Variants in PACS2 observed in about 807,000 individuals in gnomAD.
The protein encoded by PACS2 is PACS1-like protein.
In PACS2, 36 loss-of-function variants were observed where a neutral mutation model predicts 113.0. The ratio of observed to expected loss-of-function variants is 0.32; its 90% CI spans 0.24 to 0.42. PACS2 has a LOEUF of 0.42. Ranked by LOEUF, PACS2 falls within the 10% of genes least tolerant of loss-of-function variation. PACS2 has a pLI of 1.00. For synonymous variants in PACS2, 589 were observed against 536.1 expected, an observed-to-expected ratio of 1.10 and a Z score of -1.36; for missense variants, 1,015 against 1,239.5, an observed-to-expected ratio of 0.82 and a Z score of 2.72.
intron 3 of PACS2, 87 bp downstream of exon 3, chr14:105,352,554 G>C: frequency 2.8e-6 from 2 of 724,300 alleles, no homozygotes; most frequent in East Asian, 2.6e-5. Context: ...TGGGGAGACG[G>C]GCCCCCCTCA....
At position 105,382,877 on chromosome 14, in the gene PACS2, C is replaced by T. The variant is rs375996521; in HGVS notation, c.1589C>T (p.Ala530Val). Residue 530 changes from alanine to valine, a missense_variant, in exon 15 of 25, where the codon GCG becomes GTG. By Grantham distance (64) the Ala-to-Val change is moderately conservative (BLOSUM62 0). Around this residue, in one of 3 missense-constraint regions of PACS2, gnomAD observed 859 missense variants for 1,056.8 expected, o/e 0.81. Transcript: ENST00000447393. ...ACGTGCTCTCCTGCGGACGTCCAGG[C>T]GGCCTTCAGCACCATCGTCTCACGG... ...VCTCSPADVQ[A>V]AFSTIVSRIQ... 4.4e-6 allele frequency: 7 copies of T among 1,606,154 alleles called. No individual in the cohort carries two copies. Among genetic ancestry groups the T allele is most frequent in the African/African-American group, 1.3e-5 (1 of 74,886 alleles).
chr14:105,319,137 A>G (rs1192291962), intron 1 of PACS2, among the ~76,000 whole-genome samples: 2 of 136,582 alleles, frequency 1.5e-5, no homozygotes, highest in Middle Eastern at 5.1e-3. Flanking sequence ...TAGTAGAGAC[A>G]GGGTTTCACC....
In PACS2 at chr14:105,327,295, G is replaced by A. The variant is rs587632911; in HGVS notation, c.119+12258G>A. Among the ~76,000 whole-genome samples the A allele has an allele frequency of 8.4e-3, 1,284 of 152,320 alleles. 18 individuals are homozygous for A. Among genetic ancestry groups the A allele is most frequent in the African/African-American group, 0.029 (1,213 of 41,552 alleles). On this transcript the variant is annotated intron_variant, in intron 1 of 24. Transcript: ENST00000447393. The stretch of plus-strand genomic sequence containing the variant: ...AGGTCGAGAGGCTGCAGTGGTGGTA[G>A]CCTGAGGGGATGTGCGCGGCCAGGT...
rs1352660213 is a variant in PACS2 at position 105,354,649 on chromosome 14, T to C, written c.298-403T>C. Among the ~76,000 whole-genome samples, 1 of 152,222 alleles carries C rather than the reference T, an allele frequency of 6.6e-6. No individual in the cohort carries two copies. The highest frequency in any genetic ancestry group is 2.4e-5 in the African/African-American group (1 of 41,466). Reference sequence around the variant, plus strand: ...CTCGGAGGGAGAGCCCTCCCCGCCCTGTGTGCCCCTCGCGGAAAAGCGTCC... The same window carrying C: ...CTCGGAGGGAGAGCCCTCCCCGCCCCGTGTGCCCCTCGCGGAAAAGCGTCC... On this transcript the variant is annotated intron_variant, in intron 3 of 24. Transcript: ENST00000447393. This position sits in a 1 kb window ranked among gnomAD's most constrained non-coding sequence, Gnocchi z 4.2.
At chr14:105,301,566 C>T (rs1034171272) in intron 1 of PACS2, among the ~76,000 whole-genome samples, 1 of 152,196 alleles carries the variant, frequency 6.6e-6, no homozygotes, top group Admixed American at 6.5e-5. Context: ...AGACACCCGC[C>T]AGGGGCCACC....
intron 4 of PACS2, among the ~76,000 whole-genome samples, chr14:105,360,821 C>T (rs587679618): frequency 6.6e-6 from 1 of 152,234 alleles, no homozygotes; most frequent in Non-Finnish European, 1.5e-5. Flanking sequence ...TCAGTCCTCT[C>T]AAACCCCGTT....
chr14:105,377,153 G>A (rs1313031258), intron 9 of PACS2, among the ~76,000 whole-genome samples: 1 of 152,194 alleles, frequency 6.6e-6, no homozygotes, highest in Non-Finnish European at 1.5e-5. Flanking sequence ...AGGCCAGGGG[G>A]TGCAAGCTCT....
intron 2 of PACS2, among the ~76,000 whole-genome samples, chr14:105,350,027 G>A (rs975712606): frequency 1.4e-4 from 21 of 149,962 alleles, no homozygotes; most frequent in African/African-American, 4.1e-4. Flanking sequence ...TTCCGGGAGC[G>A]CGTGGCTAAT....
chr14:105,322,527 A>G (rs1249356629), intron 1 of PACS2, among the ~76,000 whole-genome samples: 8 of 152,178 alleles, frequency 5.3e-5, no homozygotes, highest in African/African-American at 1.9e-4. Flanking sequence ...CGGCCTCCCA[A>G]AGTGCTGGGA....
At chr14:105,301,638 C>G (rs1027425300) in intron 1 of PACS2, among the ~76,000 whole-genome samples, 3 of 152,244 alleles carry the variant, frequency 2.0e-5, no homozygotes, top group African/African-American at 7.2e-5. Context: ...CAGAGCCTCC[C>G]CGTGCGCCCC....
In PACS2 at chr14:105,323,384, C is replaced by A. The variant is rs1029893340; in HGVS notation, c.119+8347C>A. 1.3e-5 allele frequency among the ~76,000 whole-genome samples: 2 copies of A among 152,224 alleles called. No individual in the cohort carries two copies. Among genetic ancestry groups the A allele is most frequent in the Admixed American group, 6.5e-5 (1 of 15,292 alleles). ...CTGTCTCCAGCCCTTCCCCCTGCCT[C>A]TGTCCACGTGCAGGGGCGTCTCCTC... On this transcript the variant is annotated intron_variant, in intron 1 of 24. Transcript: ENST00000447393. This position sits in a 1 kb window ranked among gnomAD's most constrained non-coding sequence, Gnocchi z 4.1.
At chr14:105,394,323 AC>A (rs2081472801) in intron 24 of PACS2, 1 of 984,488 alleles carries the variant, frequency 1.0e-6, no homozygotes, top group African/African-American at 1.8e-5. Flanking sequence ...TGCCCTCCCC[AC>A]CCCCCAGGGC....
rs2141133101 is a variant in PACS2, at chr14:105,365,798, A to C, written c.424-1415A>C. Among the ~76,000 whole-genome samples the C allele has an allele frequency of 6.6e-6, 1 of 152,198 alleles. No homozygotes were observed. Among genetic ancestry groups the C allele is most frequent in the African/African-American group, 2.4e-5 (1 of 41,540 alleles). ...CTGTGTGACACTGAGACCCTGCCACATCAGATGCCACTCTGAGAAGGCGAC... is the reference window on the plus strand; with the variant it reads ...CTGTGTGACACTGAGACCCTGCCACCTCAGATGCCACTCTGAGAAGGCGAC... On this transcript the variant is annotated intron_variant, in intron 4 of 24. Transcript: ENST00000447393. This position sits in a 1 kb window ranked among gnomAD's most constrained non-coding sequence, Gnocchi z 5.1.
In PACS2 at chr14:105,383,416, G is replaced by A; in HGVS notation, c.1683G>A (p.Gln561=). The A allele has an allele frequency of 6.2e-7, 1 of 1,608,430 alleles. No homozygotes were observed. The highest frequency in any genetic ancestry group is 8.5e-7 in the Non-Finnish European group (1 of 1,179,592). The change falls in exon 16 of 25, where the codon CAG becomes CAA. Residue 561 remains glutamine (Q), a synonymous_variant. Transcript: ENST00000447393. ...TPVKIAVAGA[Q]HYLSAILRLF... is the part of the protein sequence containing the mutation. ...TGAAGATCGCCGTGGCGGGAGCGCA[G>A]CATTACCTCAGTGCCATCCTGCGGC...
chr14:105,316,543 C>G (rs1195118896), intron 1 of PACS2, among the ~76,000 whole-genome samples: 1 of 152,252 alleles, frequency 6.6e-6, no homozygotes. Flanking sequence ...TGAACCTCTG[C>G]AGCAGCTTCC....
chr14:105,337,216 C>T (rs2059561654), intron 1 of PACS2, among the ~76,000 whole-genome samples: 3 of 152,166 alleles, frequency 2.0e-5, no homozygotes, highest in Admixed American at 6.5e-5. Flanking sequence ...GTGTCAGGTC[C>T]CTAGAGTCAT....
At chr14:105,301,077 C>A (rs1176937805) in intron 1 of PACS2, 3 of 151,508 alleles carry the variant, frequency 2.0e-5, no homozygotes, top group East Asian at 3.9e-4. Context: ...GTGGGCGACA[C>A]CGGGGACTAG....
chr14:105,362,224 C>A (rs375954362), intron 4 of PACS2, among the ~76,000 whole-genome samples: 1 of 151,160 alleles, frequency 6.6e-6, no homozygotes, highest in Non-Finnish European at 1.5e-5. Flanking sequence ...CAAGACCATC[C>A]TGGCTAACAC....
In PACS2 at chr14:105,393,424, G is replaced by T. The variant is rs973700843; in HGVS notation, c.2596+89G>T. ...TTGGAGCCCAGCCTAGGAGCTGCGG[G>T]TGTCTCGCTGTGACACGCACATTCC... is the stretch of plus-strand genomic sequence containing the variant. On this transcript the variant is annotated intron_variant, in intron 24 of 24. Coordinates refer to ENST00000447393, the MANE Select transcript of PACS2 (RefSeq NM_001100913.3). 6 of 775,004 alleles carry T rather than the reference G, an allele frequency of 7.7e-6. No homozygotes were observed. In the East Asian group the frequency reaches 1.6e-4, roughly 20 times the overall value. 48.0% of individuals were successfully genotyped at this position (775,004 alleles called of 1,614,324 possible).
Sources: allele counts gnomAD v4.1 joint callset (sites outside exome capture counted in the v4.1 genomes callset), GRCh38; gene constraint gnomAD v4.1.1; regional missense constraint gnomAD v4.1.1; non-coding constraint Gnocchi (gnomAD v3.1); transcripts MANE v1.5; gene names NCBI Gene and HGNC (gene_info 2026-07-23, HGNC 2026-07-21).